The following FRAS1 variants were observed in gnomAD, a reference collection of about 807,000 sequenced individuals.
FRAS1 encodes extracellular matrix organizing protein FRAS1.
Under a neutral mutation model 435.2 loss-of-function variants are expected in FRAS1, and 290 were observed. The observed-to-expected ratio is 0.67, with a 90% CI of 0.61 to 0.73. FRAS1 has a LOEUF of 0.73. Among genes scored for constraint, FRAS1 ranks in the 30% least tolerant of loss-of-function variants. FRAS1 has a pLI of 0.00. For synonymous variants in FRAS1, 1,800 were observed against 1,851.0 expected (o/e 0.97, Z 0.71); for missense variants, 4,860 against 5,001.5 (o/e 0.97, Z 0.85).
intron 2 of FRAS1, among the ~76,000 whole-genome samples, chr4:78,167,083 A>G (rs76931125): frequency 0.014 from 2,103 of 152,352 alleles, 35 homozygotes; most frequent in South Asian, 0.069. Flanking sequence ...TTTCATCAGT[A>G]TAGTTGCCCT....
intron 2 of FRAS1, among the ~76,000 whole-genome samples, chr4:78,216,134 G>A (rs1374799223): frequency 1.3e-5 from 2 of 152,132 alleles, no homozygotes; most frequent in Admixed American, 6.5e-5. Flanking sequence ...TGTGCTTAGT[G>A]GATACTTATT....
rs1462001490 is a variant in FRAS1 at position 78,267,372 on chromosome 4, G to A, written c.921G>A (p.Met307Ile). ...AGGGCTCGGCCTGTGAGTTCTGCAT[G>A]TGTGATCATGGCCAAGTGACCTGCC... ...MWKGSACEFC[M>I]CDHGQVTCQT... The change falls in exon 9 of 74, where the codon ATG (methionine) becomes ATA (isoleucine). Residue 307 changes from methionine to isoleucine, a missense_variant. By Grantham distance (10) the Met-to-Ile change is conservative. Transcript: ENST00000512123. 1 of 1,613,962 alleles carries A rather than the reference G, an allele frequency of 6.2e-7. No homozygotes were observed. Among genetic ancestry groups the A allele is most frequent in the East Asian group, 2.2e-5 (1 of 44,874 alleles).
At chr4:78,112,124 C>A (rs570577061) in intron 2 of FRAS1, among the ~76,000 whole-genome samples, 1 of 151,904 alleles carries the variant, frequency 6.6e-6, no homozygotes, top group Non-Finnish European at 1.5e-5. Flanking sequence ...TATCATGAAT[C>A]TAAATTTTAG....
At chr4:78,540,443 A>G (rs1722012156) in intron 73 of FRAS1, 88 bp from the exon 74 acceptor site, 4 of 739,404 alleles carry the variant, frequency 5.4e-6, no homozygotes, top group Non-Finnish European at 2.1e-6. Flanking sequence ...TTATCTATCA[A>G]GGCATATAGT....
intron 15 of FRAS1, among the ~76,000 whole-genome samples, chr4:78,310,794 T>C (rs114673446): frequency 2.3e-3 from 348 of 152,344 alleles, no homozygotes; most frequent in Middle Eastern, 0.01. Flanking sequence ...ATGCTGATAA[T>C]GCTGACTTAT....
rs534098089 is a variant in FRAS1 at position 78,189,808 on chromosome 4, C to T, written c.109-47702C>T. On this transcript the variant is annotated intron_variant, in intron 2 of 73. Coordinates refer to ENST00000512123, the MANE Select transcript of FRAS1 (RefSeq NM_025074.7). Reference sequence around the variant, plus strand: ...AAAAGAACTCTTTATTCCATATTTCCTTCCCAATCAATTTCTTCCAATTTC... The same window carrying T: ...AAAAGAACTCTTTATTCCATATTTCTTTCCCAATCAATTTCTTCCAATTTC... Among the ~76,000 whole-genome samples, 44 of 152,304 alleles carry T rather than the reference C, an allele frequency of 2.9e-4. No homozygotes were observed. The South Asian group carries it at 8.1e-3, about 28-fold the overall frequency.
chr4:78,387,439 C>T lies in FRAS1; in HGVS notation c.3713C>T (p.Thr1238Ile). The change falls in exon 29 of 74, where the codon ACC (threonine) becomes ATC (isoleucine). Residue 1238 changes from threonine (T) to isoleucine (I), a missense_variant. Coordinates refer to ENST00000512123, the MANE Select transcript of FRAS1 (RefSeq NM_025074.7). ...AGAGGAGAGAGGGCAACCATCACCA[C>T]CCAGATGCTTGACATCCGAGATGAT... ...ISRGERATIT[T>I]QMLDIRDDDN... 2 of 1,613,808 alleles carry T rather than the reference C, an allele frequency of 1.2e-6. No homozygotes were observed. The highest frequency in any genetic ancestry group is 1.7e-6 in the Non-Finnish European group (2 of 1,179,806).
chr4:78,253,635 C>A (rs1725653387), intron 5 of FRAS1, among the ~76,000 whole-genome samples: 1 of 152,142 alleles, frequency 6.6e-6, no homozygotes, highest in African/African-American at 2.4e-5. Context: ...TTCCTAACCC[C>A]ATTCCGTATT....
At chr4:78,376,376 C>G (rs530518415) in intron 26 of FRAS1, among the ~76,000 whole-genome samples, 1 of 152,192 alleles carries the variant, frequency 6.6e-6, no homozygotes, top group East Asian at 1.9e-4. Flanking sequence ...ATACTGTAGG[C>G]AATCGTAACA....
chr4:78,297,604 AC>A (rs145557364), intron 14 of FRAS1, among the ~76,000 whole-genome samples: 2,080 of 152,332 alleles, frequency 0.014, 52 homozygotes, highest in African/African-American at 0.047. Flanking sequence ...CAAGAAGCCA[AC>A]CACATGTCTG....
At chr4:78,087,262 A>AT (rs1741230284) in intron 2 of FRAS1, among the ~76,000 whole-genome samples, 9 of 152,186 alleles carry the variant, frequency 5.9e-5, no homozygotes, top group African/African-American at 1.7e-4. Flanking sequence ...TTAGGTATTG[A>AT]TGGAGCGTAT....
chr4:78,306,859 T>G (rs1215138183), intron 14 of FRAS1, among the ~76,000 whole-genome samples: 1 of 152,264 alleles, frequency 6.6e-6, no homozygotes, highest in Non-Finnish European at 1.5e-5. Context: ...CCTTCTTCTT[T>G]CAGCTCGTCA....
chr4:78,125,374 T>G (rs1043611133), intron 2 of FRAS1, among the ~76,000 whole-genome samples: 2 of 152,222 alleles, frequency 1.3e-5, no homozygotes, highest in African/African-American at 4.8e-5. Flanking sequence ...TAATTTCTGT[T>G]TTTTTACATT....
intron 2 of FRAS1, among the ~76,000 whole-genome samples, chr4:78,115,389 G>A (rs369329087): frequency 6.6e-6 from 1 of 152,134 alleles, no homozygotes; most frequent in African/African-American, 2.4e-5. Flanking sequence ...GATTGGAATA[G>A]TTTCAGAAGG....
intron 66 of FRAS1, among the ~76,000 whole-genome samples, chr4:78,516,334 A>G (rs549461099): frequency 6.6e-6 from 1 of 152,358 alleles, no homozygotes; most frequent in African/African-American, 2.4e-5. Flanking sequence ...AAATATTTAC[A>G]TTTGATGCTA....
chr4:78,342,831 G>T (rs1205021045), intron 20 of FRAS1, among the ~76,000 whole-genome samples: 2 of 152,150 alleles, frequency 1.3e-5, no homozygotes, highest in Non-Finnish European at 2.9e-5. Context: ...TTGCAGAGGG[G>T]AAGACCTGAA....
rs766717692 is a variant in FRAS1, at chr4:78,473,390, T to C, written c.7523-48T>C. On this transcript the variant is annotated intron_variant, in intron 52 of 73. Coordinates refer to ENST00000512123, the MANE Select transcript of FRAS1 (RefSeq NM_025074.7). ...TTGTTGGTGTGGTAATCTATGAAGC[T>C]GTCGTTACATCCCTGGGTTAATTCA... 3.3e-6 allele frequency: 5 copies of C among 1,513,386 alleles called. No individual in the cohort carries two copies. In the African/African-American group the frequency reaches 5.5e-5, roughly 17 times the overall value. The allele number at this position is 1,513,386 out of a possible 1,614,324, so 93.7% of individuals were successfully genotyped here.
chr4:78,122,015 A>G (rs576741638), intron 2 of FRAS1, among the ~76,000 whole-genome samples: 1 of 152,306 alleles, frequency 6.6e-6, no homozygotes, highest in Admixed American at 6.5e-5. Flanking sequence ...TCTGGGTTAC[A>G]TGTGCAGAAC....
chr4:78,153,962 A>AT (rs1238917070), intron 2 of FRAS1, among the ~76,000 whole-genome samples: 6 of 151,916 alleles, frequency 3.9e-5, no homozygotes, highest in East Asian at 1.9e-4. Flanking sequence ...TTACTCTACA[A>AT]TTTTTTTCAG....
Sources: gnomAD v4.1 joint callset for allele counts (sites outside exome capture counted in the v4.1 genomes callset) on GRCh38, gnomAD v4.1.1 for gene constraint, MANE v1.5 for transcripts, NCBI Gene and HGNC (gene_info 2026-07-23, HGNC 2026-07-21) for gene names.